The following TENM4 variants were observed in gnomAD, a reference collection of about 807,000 sequenced individuals.
The protein encoded by TENM4 is teneurin-4.
A neutral mutation model predicts 243.3 loss-of-function variants in TENM4; 82 were observed. That is an observed-to-expected ratio of 0.34 (90% CI 0.28 to 0.40). The LOEUF is 0.40. Among genes scored for constraint, TENM4 ranks in the 10% least tolerant of loss-of-function variants. TENM4 has a pLI of 1.00. For synonymous variants in TENM4, 1,412 were observed against 1,456.3 expected, an observed-to-expected ratio of 0.97 and a Z score of 0.69; for missense variants, 3,138 against 3,673.3, an observed-to-expected ratio of 0.85 and a Z score of 3.77.
At chr11:79,030,026 C>T (rs1033689718) in intron 6 of TENM4, among the ~76,000 whole-genome samples, 1 of 152,030 alleles carries the variant, frequency 6.6e-6, no homozygotes, top group African/African-American at 2.4e-5. Flanking sequence ...AGGCAGAACC[C>T]CACCCAGTTC....
At chr11:79,030,510 C>T (rs1369283262) in intron 6 of TENM4, among the ~76,000 whole-genome samples, 1 of 152,146 alleles carries the variant, frequency 6.6e-6, no homozygotes, top group South Asian at 2.1e-4. Flanking sequence ...CAATGAAACT[C>T]GGCAGCAGGC....
chr11:78,722,654 A>C lies in TENM4; in HGVS notation c.3800+14T>G. ...TATTATTAGGAACTATGAAGAAAGC[A>C]TCACCTTACATACCTCAGCTCTAGG... is the stretch of plus-strand genomic sequence containing the variant. On this transcript the variant is annotated intron_variant, in intron 24 of 33. Transcript: ENST00000278550. The C allele has an allele frequency of 6.2e-7, 1 of 1,605,860 alleles. No individual in the cohort carries two copies.
At chr11:79,138,598 T>C (rs181960866) in intron 4 of TENM4, among the ~76,000 whole-genome samples, 41 of 98,538 alleles carry the variant, frequency 4.2e-4, no homozygotes, top group Non-Finnish European at 7.3e-4. Flanking sequence ...ATAAAACATA[T>C]ATTATATTTA....
intron 4 of TENM4, among the ~76,000 whole-genome samples, chr11:79,139,944 C>A (rs1196033373): frequency 2.0e-5 from 3 of 148,438 alleles, no homozygotes; most frequent in Non-Finnish European, 4.5e-5. Context: ...AAGATGGAAC[C>A]AACATTCCTT....
chr11:79,423,535 ATTTT>A (rs67697266), intron 1 of TENM4, among the ~76,000 whole-genome samples: 287 of 114,112 alleles, frequency 2.5e-3, no homozygotes, highest in Non-Finnish European at 4.6e-3. Context: ...TTACAAGTGC[ATTTT>A]TTTTTTTTTT....
At chr11:79,347,465 T>A (rs1857343761) in intron 1 of TENM4, among the ~76,000 whole-genome samples, 1 of 152,214 alleles carries the variant, frequency 6.6e-6, no homozygotes, top group Admixed American at 6.5e-5. Flanking sequence ...GAGACCCACT[T>A]GACTCACTTT....
At chr11:78,665,171 C>CTTTCT (rs983914566) in intron 32 of TENM4, among the ~76,000 whole-genome samples, 4 of 151,568 alleles carry the variant, frequency 2.6e-5, no homozygotes, top group Admixed American at 6.6e-5. Context: ...CTTTCTTTCT[C>CTTTCT]TTTCTTTTCT....
At chr11:79,186,733 A>T (rs981447803) in intron 3 of TENM4, among the ~76,000 whole-genome samples, 1 of 152,212 alleles carries the variant, frequency 6.6e-6, no homozygotes, top group Admixed American at 6.5e-5. Context: ...AAATTGCCTA[A>T]GTTTTCTAGA....
intron 7 of TENM4, among the ~76,000 whole-genome samples, chr11:78,893,139 G>C (rs946307611): frequency 1.3e-5 from 2 of 152,248 alleles, no homozygotes; most frequent in Non-Finnish European, 2.9e-5. Context: ...AGTCTGTTCT[G>C]CTGGTGTGCA....
At chr11:79,301,696 G>A (rs899894992) in intron 1 of TENM4, among the ~76,000 whole-genome samples, 1 of 152,220 alleles carries the variant, frequency 6.6e-6, no homozygotes, top group Non-Finnish European at 1.5e-5. Flanking sequence ...CTAGTGAAAG[G>A]TGATTGGATC....
intron 3 of TENM4, among the ~76,000 whole-genome samples, chr11:79,207,943 CTG>C (rs1235350296): frequency 6.6e-6 from 1 of 151,000 alleles, no homozygotes; most frequent in Non-Finnish European, 1.5e-5. Flanking sequence ...TGGGCTTCCT[CTG>C]GAGAGCAACG....
At chr11:78,963,427 T>C (rs1483727517) in intron 6 of TENM4, among the ~76,000 whole-genome samples, 1 of 152,190 alleles carries the variant, frequency 6.6e-6, no homozygotes, top group Admixed American at 6.5e-5. Context: ...CATATAAAAG[T>C]ATACAGTACA....
intron 10 of TENM4, 95 bp downstream of exon 10, chr11:78,862,867 T>G: frequency 2.4e-6 from 3 of 1,240,954 alleles, no homozygotes; most frequent in Non-Finnish European, 2.1e-6. Context: ...CATGGAGCTG[T>G]GAGCCAGGCA....
intron 2 of TENM4, among the ~76,000 whole-genome samples, chr11:79,222,986 G>A (rs533017522): frequency 6.6e-6 from 1 of 152,034 alleles, no homozygotes; most frequent in Admixed American, 6.6e-5. Flanking sequence ...GGCCTGTCAG[G>A]GGGTTTGGGG....
intron 28 of TENM4, 83 bp from the exon 29 acceptor site, chr11:78,688,309 GT>G: frequency 5.5e-6 from 8 of 1,449,864 alleles, no homozygotes; most frequent in Non-Finnish European, 7.5e-6. Flanking sequence ...TCATGCCATG[GT>G]TTTGCTGTGC....
At chr11:79,041,267 T>C (rs897800656) in intron 6 of TENM4, among the ~76,000 whole-genome samples, 1 of 152,128 alleles carries the variant, frequency 6.6e-6, no homozygotes, top group African/African-American at 2.4e-5. Flanking sequence ...TTTCGCTATG[T>C]TGGCCAGGCT....
chr11:78,854,257 G>C lies in TENM4; in HGVS notation c.1528C>G (p.Leu510Val). 1 of 1,545,694 alleles carries C rather than the reference G, an allele frequency of 6.5e-7. No individual in the cohort carries two copies. Among genetic ancestry groups the C allele is most frequent in the Non-Finnish European group, 8.7e-7 (1 of 1,143,488 alleles). Reference sequence around the variant, plus strand: ...CGAGACTGGCGCGGGGTCCCCTCTAGGCTCCGCGCCTCCTGGGTTAGGAGC... The same window carrying C: ...CGAGACTGGCGCGGGGTCCCCTCTACGCTCCGCGCCTCCTGGGTTAGGAGC... ...RRLLTQEARSLEGTPRQSRGT... is the reference protein window; with the variant it reads ...RRLLTQEARSVEGTPRQSRGT... Residue 510 changes from leucine (L) to valine (V), a missense_variant, in exon 12 of 34, where the codon CTA (leucine) becomes GTA (valine). Around this residue, in one of 2 missense-constraint regions of TENM4, gnomAD observed 2,467 missense variants for 3,059.1 expected, o/e 0.81. Transcript: ENST00000278550.
At chr11:79,009,974 G>A (rs1402911888) in intron 6 of TENM4, among the ~76,000 whole-genome samples, 2 of 152,108 alleles carry the variant, frequency 1.3e-5, no homozygotes, top group Non-Finnish European at 2.9e-5. Flanking sequence ...CATGAGATCT[G>A]ACAGTTTTAT....
intron 1 of TENM4, among the ~76,000 whole-genome samples, chr11:79,375,334 C>T (rs1209937489): frequency 6.6e-6 from 1 of 152,138 alleles, no homozygotes; most frequent in African/African-American, 2.4e-5. Context: ...AGGACAAAAA[C>T]AACAGTCATC....
Sources: gnomAD v4.1 joint callset for allele counts (sites outside exome capture counted in the v4.1 genomes callset) on GRCh38, gnomAD v4.1.1 for gene constraint, gnomAD v4.1.1 regional missense constraint, MANE v1.5 for transcripts, NCBI Gene and HGNC (gene_info 2026-07-23, HGNC 2026-07-21) for gene names.